CARMIL1: variants seen among roughly 807,000 people sequenced by gnomAD.
The protein encoded by CARMIL1 is capping protein regulator and myosin 1 linker 1.
CARMIL1 carries 90 observed loss-of-function variants against 177.1 expected under a neutral mutation model. That is an observed-to-expected ratio of 0.51 (90% CI 0.43 to 0.61). The LOEUF (loss-of-function observed/expected upper bound fraction) is 0.61, where lower values mean the gene tolerates loss of function less well. Among genes scored for constraint, CARMIL1 ranks in the 20% least tolerant of loss-of-function variants. The pLI, the probability that CARMIL1 is intolerant of heterozygous loss-of-function variation, is 0.00. For synonymous variants in CARMIL1, 577 were observed against 606.2 expected, an observed-to-expected ratio of 0.95 and a Z score of 0.71; for missense variants, 1,380 against 1,667.0, an observed-to-expected ratio of 0.83 and a Z score of 3.00.
chr6:25,559,888 G>A lies in CARMIL1; in HGVS notation c.2742+3038G>A, dbSNP rs998687595. 2.0e-5 allele frequency among the ~76,000 whole-genome samples: 3 copies of A among 152,260 alleles called. No homozygotes were observed. In the East Asian group the frequency reaches 5.8e-4, roughly 29 times the overall value. ...TCTTCCATTTCTCTCTGGTCCAAAT[G>A]TCAATTCCATTTCAGTGCTTAAGTC... On this transcript the variant is annotated intron_variant, in intron 29 of 36. Coordinates refer to ENST00000329474, the MANE Select transcript of CARMIL1 (RefSeq NM_017640.6).
intron 29 of CARMIL1, chr6:25,563,834 G>A: frequency 1.0e-6 from 1 of 985,336 alleles, no homozygotes. Context: ...GATGCTGGAA[G>A]CTATGAATCT....
chr6:25,452,002 C>CCCCCCCA, intron 8 of CARMIL1: 10 of 258,926 alleles, frequency 3.9e-5, no homozygotes, highest in South Asian at 7.8e-5. Context: ...CCCTCCCCCC[C>CCCCCCCA]CCAGAATACT....
chr6:25,368,179 A>C (rs1790040642), intron 2 of CARMIL1, among the ~76,000 whole-genome samples: 1 of 152,228 alleles, frequency 6.6e-6, no homozygotes, highest in Non-Finnish European at 1.5e-5. Context: ...TCCTTACTGG[A>C]GTTGACTAGG....
rs373930926 is a variant in CARMIL1, at chr6:25,600,108, C to T, written c.3120-206C>T. 5.1e-4 allele frequency among the ~76,000 whole-genome samples: 77 copies of T among 152,230 alleles called. 3 individuals carry two copies. The South Asian group carries it at 0.015, about 30-fold the overall frequency. On this transcript the variant is annotated intron_variant, in intron 32 of 36. Transcript: ENST00000329474. ...TTTCATCTTTCATTCTTAATGTGTG[C>T]GTGCCTCGATTTTCTCACGTGAATA...
chr6:25,285,013 A>G (rs1266496574), intron 2 of CARMIL1, 104 bp downstream of exon 2: 11 of 712,082 alleles, frequency 1.5e-5, no homozygotes, highest in Non-Finnish European at 2.6e-5. Flanking sequence ...TGTTTTATAT[A>G]TTGTTCAAAA....
intron 23 of CARMIL1, among the ~76,000 whole-genome samples, chr6:25,521,486 G>A (rs1806547235): frequency 1.3e-5 from 2 of 152,184 alleles, no homozygotes; most frequent in African/African-American, 4.8e-5. Flanking sequence ...AATAAAGAAT[G>A]TGGATGGGCG....
chr6:25,313,698 T>TATGTGTATATATATATATATATATATA (rs1262920852), intron 2 of CARMIL1, among the ~76,000 whole-genome samples: 1 of 150,080 alleles, frequency 6.7e-6, no homozygotes, highest in African/African-American at 2.5e-5. Flanking sequence ...TATACAGTTA[T>TATGTGTATATATATATATATATATATA]TTGGGAGAAA....
chr6:25,466,207 T>A (rs1295700548), intron 9 of CARMIL1, among the ~76,000 whole-genome samples: 2 of 152,224 alleles, frequency 1.3e-5, no homozygotes, highest in East Asian at 3.8e-4. Flanking sequence ...TAGTGTAGCC[T>A]TTAGTATAAA....
chr6:25,435,087 C>T lies in CARMIL1; in HGVS notation c.250-396C>T, dbSNP rs549216137. ...ACAAAATCTTGGTAAAAGGAGAAGT[C>T]GTGTTTGAATGTGGGAGTTCAGTCT... On this transcript the variant is annotated intron_variant, in intron 4 of 36. Transcript: ENST00000329474. 4.6e-5 allele frequency among the ~76,000 whole-genome samples: 7 copies of T among 152,198 alleles called. 1 individual carries two copies. In the South Asian group the frequency reaches 1.5e-3, roughly 32 times the overall value.
intron 9 of CARMIL1, 94 bp downstream of exon 9, chr6:25,466,042 A>AGTAC (rs1685444799): frequency 1.2e-6 from 1 of 805,552 alleles, no homozygotes; most frequent in Non-Finnish European, 2.2e-6. Context: ...TTACTGTACT[A>AGTAC]GTAAGCTGTA....
chr6:25,360,462 T>C (rs953083554), intron 2 of CARMIL1, among the ~76,000 whole-genome samples: 5 of 152,212 alleles, frequency 3.3e-5, no homozygotes, highest in African/African-American at 1.2e-4. Flanking sequence ...GTTTAGTCTG[T>C]GGGGACTTTG....
Position 25,465,930 on chromosome 6 carries a change from C to G in CARMIL1, c.672C>G (p.Ser224=). 1 of 1,609,852 alleles carries G rather than the reference C, an allele frequency of 6.2e-7. No individual in the cohort carries two copies. Among genetic ancestry groups the G allele is most frequent in the African/African-American group, 1.3e-5 (1 of 74,924 alleles). The change falls in exon 9 of 37, where the codon TCC becomes TCG. Residue 224 remains serine (S), a synonymous_variant. Coordinates refer to ENST00000329474, the MANE Select transcript of CARMIL1 (RefSeq NM_017640.6). ...LEYNQWFTKL[S]SKDLKLSTDV... ...ATAATCAGTGGTTCACAAAACTGTCCTCTAAGGATCTAAAACTGGTAAGTA... is the reference window on the plus strand; with the variant it reads ...ATAATCAGTGGTTCACAAAACTGTCGTCTAAGGATCTAAAACTGGTAAGTA...
At chr6:25,425,588 T>G (rs1455502096) in intron 3 of CARMIL1, among the ~76,000 whole-genome samples, 17 of 152,122 alleles carry the variant, frequency 1.1e-4, no homozygotes. Flanking sequence ...TCTAGCTCCA[T>G]GCTCTGTGAT....
At chr6:25,434,518 ATT>A (rs5875039) in intron 4 of CARMIL1, among the ~76,000 whole-genome samples, 2,862 of 101,614 alleles carry the variant, frequency 0.028, 60 homozygotes, top group African/African-American at 0.078. Flanking sequence ...GCTCAAAACC[ATT>A]TTTTTTTTTT....
intron 9 of CARMIL1, among the ~76,000 whole-genome samples, chr6:25,467,294 G>A (rs912449): frequency 0.16 from 23,931 of 152,086 alleles, 2,010 homozygotes; most frequent in Non-Finnish European, 0.19. Flanking sequence ...TTGCTGGGAT[G>A]GGACCATTTC....
chr6:25,392,095 T>C (rs2150540064), intron 2 of CARMIL1, among the ~76,000 whole-genome samples: 1 of 138,266 alleles, frequency 7.2e-6, no homozygotes, highest in East Asian at 2.3e-4. Context: ...TGTGTGTGTG[T>C]GTGTATCACA....
intron 8 of CARMIL1, among the ~76,000 whole-genome samples, 177 bp downstream of exon 8, chr6:25,450,888 C>T (rs1262684399): frequency 7.9e-6 from 1 of 126,978 alleles, no homozygotes; most frequent in Non-Finnish European, 1.7e-5. Flanking sequence ...TCTCTTTTTT[C>T]TTTTCTTTTC....
chr6:25,343,394 C>G (rs1219669552), intron 2 of CARMIL1, among the ~76,000 whole-genome samples: 2 of 150,646 alleles, frequency 1.3e-5, no homozygotes, highest in Non-Finnish European at 2.9e-5. Context: ...AAGTCTGTAC[C>G]TTTTCATCCT....
At chr6:25,404,445 G>C (rs1398118831) in intron 2 of CARMIL1, among the ~76,000 whole-genome samples, 1 of 152,206 alleles carries the variant, frequency 6.6e-6, no homozygotes, top group African/African-American at 2.4e-5. Context: ...TGCCTTGGGA[G>C]GGGAGGTGAT....
Sources: allele counts gnomAD v4.1 joint callset (sites outside exome capture counted in the v4.1 genomes callset), GRCh38; gene constraint gnomAD v4.1.1; transcripts MANE v1.5; gene names NCBI Gene and HGNC (gene_info 2026-07-23, HGNC 2026-07-21).